Variants in UBE4B observed in about 807,000 individuals in gnomAD.
The protein encoded by UBE4B is ubiquitination factor E4B, also known as ubiquitin conjugation factor E4 B.
A neutral mutation model predicts 148.1 loss-of-function variants in UBE4B; 27 were observed. The observed-to-expected ratio is 0.18, with a 90% CI of 0.13 to 0.25. The LOEUF is 0.25. UBE4B is among the 10% of genes least tolerant of loss of function. The pLI, the probability that UBE4B is intolerant of heterozygous loss-of-function variation, is 1.00. For missense variants in UBE4B, 1,170 were observed against 1,662.4 expected, an observed-to-expected ratio of 0.70 and a Z score of 5.15; for synonymous variants, 596 against 619.3, an observed-to-expected ratio of 0.96 and a Z score of 0.56.
At chr1:10,126,338 G>GATAGATAGATAGATAT (rs997044161) in intron 10 of UBE4B, among the ~76,000 whole-genome samples, 2 of 152,104 alleles carry the variant, frequency 1.3e-5, no homozygotes, top group African/African-American at 4.8e-5. Flanking sequence ...TAGATAGATA[G>GATAGATAGATAGATAT]ATAGATAGAT....
chr1:10,177,067 G>A lies in UBE4B; in HGVS notation c.3526-1577G>A, dbSNP rs1341764933. 5.9e-5 allele frequency among the ~76,000 whole-genome samples: 9 copies of A among 151,600 alleles called. No individual in the cohort carries two copies. In the South Asian group the frequency reaches 1.0e-3, roughly 17 times the overall value. Reference sequence around the variant, plus strand: ...CTCCCAAAGTGCTGGGATTACAGGCGTGAGCCACCGCGCCCAACCAGAAGA... The same window carrying A: ...CTCCCAAAGTGCTGGGATTACAGGCATGAGCCACCGCGCCCAACCAGAAGA... On this transcript the variant is annotated intron_variant, in intron 25 of 27. Coordinates refer to ENST00000343090, the MANE Select transcript of UBE4B (RefSeq NM_001105562.3).
intron 2 of UBE4B, among the ~76,000 whole-genome samples, chr1:10,091,796 G>C (rs1332854840): frequency 6.6e-6 from 1 of 152,064 alleles, no homozygotes; most frequent in African/African-American, 2.4e-5. Context: ...GTAGAAACAG[G>C]GTTTCACTAT....
Position 10,081,954 on chromosome 1 carries a change from A to G in UBE4B, c.211+9740A>G, listed in dbSNP as rs556093861. On this transcript the variant is annotated intron_variant, in intron 2 of 27. Transcript: ENST00000343090. ...GGTTTTGAACTCCTGGGCTCAAGTG[A>G]TCTTCCCACCTTGGCCTCCCAATGT... Among the ~76,000 whole-genome samples the G allele has an allele frequency of 2.6e-5, 4 of 152,242 alleles. No individual in the cohort carries two copies. In the South Asian group the frequency reaches 8.3e-4, roughly 32 times the overall value.
Position 10,121,989 on chromosome 1 carries a change from G to A in UBE4B, c.1467G>A (p.Val489=), listed in dbSNP as rs1645418974. The A allele has an allele frequency of 6.2e-7, 1 of 1,613,108 alleles. No homozygotes were observed. Among genetic ancestry groups the A allele is most frequent in the Admixed American group, 1.7e-5 (1 of 59,906 alleles). The change falls in exon 10 of 28, where the codon GTG becomes GTA. Residue 489 remains valine (V), a synonymous_variant. Transcript: ENST00000343090. ...PRSLQQPSFL[V]PYMLCRNLPY... is the part of the protein sequence containing the mutation. Reference sequence around the variant, plus strand: ...CCTTGCAGCAGCCGTCCTTCCTAGTGCCGTATATGCTGTGTAGGAATCTCC... The same window carrying A: ...CCTTGCAGCAGCCGTCCTTCCTAGTACCGTATATGCTGTGTAGGAATCTCC...
intron 2 of UBE4B, among the ~76,000 whole-genome samples, chr1:10,094,700 G>T (rs1384578578): frequency 6.6e-6 from 1 of 151,934 alleles, no homozygotes; most frequent in Non-Finnish European, 1.5e-5. Flanking sequence ...TCCCAAAATG[G>T]TGGGATTACA....
At chr1:10,166,941 T>TCACACACACACA (rs559608777) in intron 23 of UBE4B, among the ~76,000 whole-genome samples, 1 of 131,304 alleles carries the variant, frequency 7.6e-6, no homozygotes, top group Non-Finnish European at 1.6e-5. Flanking sequence ...AATAAATAAA[T>TCACACACACACA]CACACACACA....
At chr1:10,137,921 CTTTTTTTTTTTTTTTTTTT>C (rs70998351) in intron 17 of UBE4B, among the ~76,000 whole-genome samples, 3 of 67,034 alleles carry the variant, frequency 4.5e-5, no homozygotes, top group East Asian at 5.9e-4. Flanking sequence ...CTTACTAATT[CTTTTTTTTTTTTTTTTTTT>C]TTTTTTTTTT....
chr1:10,180,027 C>T lies in UBE4B; in HGVS notation c.*71C>T, dbSNP rs185790354. 370 of 1,596,626 alleles carry T rather than the reference C, an allele frequency of 2.3e-4. 2 individuals are homozygous for T. Among genetic ancestry groups the T allele is most frequent in the African/African-American group, 2.3e-3 (172 of 74,548 alleles). ...AGGCAAGCAGAAGCAGCGGCCGCAG[C>T]GAAGCTGCCGTTCATGTGTTGGAGG... On this transcript the variant is annotated 3_prime_UTR_variant, in exon 28 of 28. Transcript: ENST00000343090.
Position 10,152,441 on chromosome 1 carries a change from A to G in UBE4B, c.2926+880A>G, listed in dbSNP as rs2101990351. On this transcript the variant is annotated intron_variant, in intron 21 of 27. Transcript: ENST00000343090. ...GATTTAGTGCTATGAAACTCTCATGAGAATGCAAATTTAAAGCCTTTCTGA... is the reference window on the plus strand; with the variant it reads ...GATTTAGTGCTATGAAACTCTCATGGGAATGCAAATTTAAAGCCTTTCTGA... Among the ~76,000 whole-genome samples, 2 of 152,154 alleles carry G rather than the reference A, an allele frequency of 1.3e-5. 1 individual carries two copies. The highest frequency in any genetic ancestry group is 4.1e-4 in the South Asian group (2 of 4,822).
intron 21 of UBE4B, 99 bp downstream of exon 21, chr1:10,151,660 C>A: frequency 9.9e-7 from 1 of 1,012,298 alleles, no homozygotes; most frequent in Non-Finnish European, 1.5e-6. Flanking sequence ...TACCTAATAT[C>A]CTGCTACCTG....
chr1:10,074,969 A>G (rs1166480980), intron 2 of UBE4B, among the ~76,000 whole-genome samples: 2 of 152,218 alleles, frequency 1.3e-5, no homozygotes, highest in Non-Finnish European at 2.9e-5. Flanking sequence ...TCTAACAGGC[A>G]TGTCACAGCT....
chr1:10,129,507 C>T (rs1645556234), intron 12 of UBE4B, 59 bp downstream of exon 12: 2 of 1,541,070 alleles, frequency 1.3e-6, no homozygotes, highest in African/African-American at 1.4e-5. Flanking sequence ...ACCCAGAAGG[C>T]ATTCCTCTAG....
At chr1:10,087,239 T>C (rs1467282857) in intron 2 of UBE4B, among the ~76,000 whole-genome samples, 1 of 152,188 alleles carries the variant, frequency 6.6e-6, no homozygotes, top group East Asian at 1.9e-4. Flanking sequence ...GTAAGAAGAC[T>C]TAAGATCACA....
intron 1 of UBE4B, among the ~76,000 whole-genome samples, chr1:10,066,202 C>G (rs933889145): frequency 4.0e-5 from 6 of 151,796 alleles, no homozygotes; most frequent in South Asian, 2.1e-4. Context: ...GTGGTATAAT[C>G]ATAGCTCGCT....
intron 1 of UBE4B, chr1:10,054,673 G>C (rs964074929): frequency 1.9e-5 from 5 of 268,738 alleles, no homozygotes; most frequent in Non-Finnish European, 3.6e-5. Flanking sequence ...AATGCCAGCA[G>C]CATGCTGGGT....
At chr1:10,087,093 C>T (rs1045553706) in intron 2 of UBE4B, among the ~76,000 whole-genome samples, 1 of 152,160 alleles carries the variant, frequency 6.6e-6, no homozygotes, top group Non-Finnish European at 1.5e-5. Context: ...ATTCTGTTCT[C>T]GTCTGACGCA....
intron 3 of UBE4B, among the ~76,000 whole-genome samples, chr1:10,097,393 A>C (rs749811056): frequency 6.6e-6 from 1 of 152,204 alleles, no homozygotes; most frequent in Non-Finnish European, 1.5e-5. Context: ...TCTAAACATC[A>C]AAAAGGGAGA....
Position 10,157,200 on chromosome 1 carries a change from T to G in UBE4B, c.2927-1156T>G, listed in dbSNP as rs556688602. Among the ~76,000 whole-genome samples, 7 of 152,164 alleles carry G rather than the reference T, an allele frequency of 4.6e-5. No individual in the cohort carries two copies. In the East Asian group the frequency reaches 9.7e-4, roughly 21 times the overall value. On this transcript the variant is annotated intron_variant, in intron 21 of 27. Coordinates refer to ENST00000343090, the MANE Select transcript of UBE4B (RefSeq NM_001105562.3). ...CTGCTAGTTTTTGTATTTTTATTAA[T>G]AGTAGAGGCGGGGTTTTGCTATGTT... is the stretch of plus-strand genomic sequence containing the variant.
intron 14 of UBE4B, among the ~76,000 whole-genome samples, chr1:10,131,417 G>A (rs1645591167): frequency 6.6e-6 from 1 of 152,108 alleles, no homozygotes; most frequent in Non-Finnish European, 1.5e-5. Context: ...CCCAGGAGGT[G>A]GAGGTTGCAG....
Sources: allele counts gnomAD v4.1 joint callset (sites outside exome capture counted in the v4.1 genomes callset), GRCh38; gene constraint gnomAD v4.1.1; transcripts MANE v1.5; gene names NCBI Gene and HGNC (gene_info 2026-07-23, HGNC 2026-07-21).